The following IQCH variants were observed in gnomAD, a reference collection of about 807,000 sequenced individuals.
IQCH encodes the protein IQ motif containing H, also known as IQ domain-containing protein H.
IQCH carries 98 observed loss-of-function variants against 117.0 expected under a neutral mutation model. The observed-to-expected ratio is 0.84, with a 90% CI of 0.71 to 0.99. The LOEUF is 0.99. Among genes scored for constraint, IQCH ranks in the 50% least tolerant of loss-of-function variants. IQCH has a pLI of 0.00. For missense variants in IQCH, 1,102 were observed against 1,243.8 expected, an observed-to-expected ratio of 0.89 and a Z score of 1.72; for synonymous variants, 412 against 448.2, an observed-to-expected ratio of 0.92 and a Z score of 1.02.
In IQCH at chr15:67,481,384, C is replaced by T. The variant is rs1351243729; in HGVS notation, c.2799+5566C>T. ...AGAGAAGTGCCGAGCAAAGGGGGAA[C>T]ATCCCCTTATAAAATCATCAGATTG... On this transcript the variant is annotated intron_variant, in intron 18 of 20. Coordinates refer to ENST00000335894, the MANE Select transcript of IQCH (RefSeq NM_001031715.3). This position sits in a 1 kb window ranked among gnomAD's most constrained non-coding sequence, Gnocchi z 4.1. Among the ~76,000 whole-genome samples the T allele has an allele frequency of 2.0e-5, 3 of 152,152 alleles. No homozygotes were observed. Among genetic ancestry groups the T allele is most frequent in the Non-Finnish European group, 4.4e-5 (3 of 68,034 alleles).
chr15:67,372,768 T>C (rs2140791950), intron 9 of IQCH, 106 bp downstream of exon 9: 1 of 936,702 alleles, frequency 1.1e-6, no homozygotes, highest in East Asian at 2.4e-5. Flanking sequence ...TTCCAACTAC[T>C]CTCCTTGCCT....
At chr15:67,442,218 C>T (rs1316796177) in intron 16 of IQCH, among the ~76,000 whole-genome samples, 2 of 151,692 alleles carry the variant, frequency 1.3e-5, no homozygotes, top group African/African-American at 4.8e-5. Flanking sequence ...GGAGACCAGC[C>T]TGACCGACAT....
At chr15:67,402,907 G>A (rs1457219828) in intron 14 of IQCH, among the ~76,000 whole-genome samples, 2 of 152,124 alleles carry the variant, frequency 1.3e-5, no homozygotes, top group African/African-American at 2.4e-5. Flanking sequence ...TGCAGATATT[G>A]GTTTTAGATG....
intron 12 of IQCH, among the ~76,000 whole-genome samples, chr15:67,394,451 G>A (rs545193297): frequency 1.6e-4 from 24 of 152,042 alleles, no homozygotes; most frequent in Non-Finnish European, 3.2e-4. Context: ...TTGAGTACTC[G>A]GCAGATCCTT....
chr15:67,317,126 T>C lies in IQCH; in HGVS notation c.388-19849T>C, dbSNP rs966800806. Among the ~76,000 whole-genome samples, 6 of 152,368 alleles carry C rather than the reference T, an allele frequency of 3.9e-5. No homozygotes were observed. In the East Asian group the frequency reaches 1.2e-3, roughly 29 times the overall value. ...ACCTTGTCAGAATGCCATATAAATTTGCATTTATTTGTGTGTGACTTTGAA... is the reference window on the plus strand; with the variant it reads ...ACCTTGTCAGAATGCCATATAAATTCGCATTTATTTGTGTGTGACTTTGAA... On this transcript the variant is annotated intron_variant, in intron 4 of 20. Coordinates refer to ENST00000335894, the MANE Select transcript of IQCH (RefSeq NM_001031715.3).
intron 14 of IQCH, 86 bp downstream of exon 14, chr15:67,400,391 C>T: frequency 2.1e-6 from 2 of 940,356 alleles, no homozygotes; most frequent in Non-Finnish European, 3.3e-6. Flanking sequence ...GATGAAAGTA[C>T]TTTCCTCTCT....
intron 3 of IQCH, among the ~76,000 whole-genome samples, chr15:67,267,830 C>G (rs1348274270): frequency 6.6e-6 from 1 of 152,174 alleles, no homozygotes; most frequent in Non-Finnish European, 1.5e-5. Flanking sequence ...TGAATACTAT[C>G]CCTGGTCACA....
chr15:67,417,049 A>G lies in IQCH; in HGVS notation c.2216A>G (p.Gln739Arg). Residue 739 changes from glutamine to arginine, a missense_variant and splice_region_variant, in exon 15 of 21, where the codon CAA becomes CGA. Gln to Arg is a conservative substitution (Grantham distance 43). This residue lies in a region of IQCH where 650 missense variants were observed against 794.3 expected (regional missense o/e 0.82). Transcript: ENST00000335894. The surrounding 1 kb of genome is among the most constrained non-coding windows in gnomAD (Gnocchi z 4.3). ...WRKFLQTFLS[Q>R]GGVIEAFPPA... ...AAATTCCTCCAAACATTTCTCAGTC[A>G]AGGTAAATAAGACTGTAAAGTTTCT... 6.2e-7 allele frequency: 1 copy of G among 1,604,590 alleles called. No individual in the cohort carries two copies. The highest frequency in any genetic ancestry group is 1.1e-5 in the South Asian group (1 of 89,090).
In IQCH at chr15:67,405,488, T is replaced by C. The variant is rs1293201451; in HGVS notation, c.2097+5183T>C. 1 of 152,268 alleles carries C rather than the reference T, an allele frequency of 6.6e-6. No individual in the cohort carries two copies. The highest frequency in any genetic ancestry group is 1.5e-5 in the Non-Finnish European group (1 of 68,058). 9.4% of individuals were successfully genotyped at this position (152,268 alleles called of 1,614,324 possible). Reference sequence around the variant, plus strand: ...TATTGTGCTAAGCACGTTACATGAATTGTCTCATTTAAACTCAGAAAAACC... The same window carrying C: ...TATTGTGCTAAGCACGTTACATGAACTGTCTCATTTAAACTCAGAAAAACC... On this transcript the variant is annotated intron_variant, in intron 14 of 20. Transcript: ENST00000335894. The surrounding 1 kb of genome is among the most constrained non-coding windows in gnomAD (Gnocchi z 4.8).
At chr15:67,368,462 A>G (rs1013766980) in intron 8 of IQCH, among the ~76,000 whole-genome samples, 13 of 152,262 alleles carry the variant, frequency 8.5e-5, no homozygotes, top group African/African-American at 2.7e-4. Context: ...CTGGTCTTTG[A>G]GAAAGAATAA....
chr15:67,490,861 C>T lies in IQCH; in HGVS notation c.2861+797C>T, dbSNP rs991133505. Among the ~76,000 whole-genome samples the T allele has an allele frequency of 2.0e-5, 3 of 152,216 alleles. No individual in the cohort carries two copies. The highest frequency in any genetic ancestry group is 7.2e-5 in the African/African-American group (3 of 41,460). ...GCTGCTGGCAACACTCGGAGGCTTC[C>T]GCACTTCTCCCAGATTTCCCTCTGG... On this transcript the variant is annotated intron_variant, in intron 19 of 20. Coordinates refer to ENST00000335894, the MANE Select transcript of IQCH (RefSeq NM_001031715.3). The surrounding 1 kb of genome is among the most constrained non-coding windows in gnomAD (Gnocchi z 4.9).
chr15:67,456,940 A>G lies in IQCH; in HGVS notation c.2506-8187A>G, dbSNP rs892013112. ...ATGGAAGCTCTAGTTGCTCAAAGAT[A>G]GCTTCGTGGAGCTGTGATTTAAGTC... On this transcript the variant is annotated intron_variant, in intron 16 of 20. Coordinates refer to ENST00000335894, the MANE Select transcript of IQCH (RefSeq NM_001031715.3). The surrounding 1 kb of genome is among the most constrained non-coding windows in gnomAD (Gnocchi z 5.1). 9.2e-5 allele frequency among the ~76,000 whole-genome samples: 14 copies of G among 152,172 alleles called. No individual in the cohort carries two copies. The highest frequency in any genetic ancestry group is 2.9e-4 in the African/African-American group (12 of 41,426).
chr15:67,269,218 T>C (rs1039566970), intron 3 of IQCH, among the ~76,000 whole-genome samples: 1 of 152,184 alleles, frequency 6.6e-6, no homozygotes, highest in Non-Finnish European at 1.5e-5. Context: ...TATTACTATT[T>C]TTTCTTTAAA....
intron 17 of IQCH, among the ~76,000 whole-genome samples, chr15:67,470,337 C>G (rs1314783246): frequency 6.6e-6 from 1 of 152,132 alleles, no homozygotes; most frequent in Non-Finnish European, 1.5e-5. Context: ...GCGACCATGC[C>G]TGGCTAATTT....
chr15:67,280,937 C>T (rs2140477315), intron 4 of IQCH, among the ~76,000 whole-genome samples: 1 of 152,170 alleles, frequency 6.6e-6, no homozygotes, highest in South Asian at 2.1e-4. Context: ...ACCTCTGCCC[C>T]TCAGGTTCAA....
In IQCH at chr15:67,370,487, C is replaced by A. The variant is rs955577927; in HGVS notation, c.754-1624C>A. On this transcript the variant is annotated intron_variant, in intron 8 of 20. Coordinates refer to ENST00000335894, the MANE Select transcript of IQCH (RefSeq NM_001031715.3). The surrounding 1 kb of genome is among the most constrained non-coding windows in gnomAD (Gnocchi z 5.6). ...TTCCTGAAGGGAGGGAGCAATGTGG[C>A]CATAGAGGCCATTTCTGTTGGAACA... Among the ~76,000 whole-genome samples, 2 of 152,148 alleles carry A rather than the reference C, an allele frequency of 1.3e-5. No individual in the cohort carries two copies. Among genetic ancestry groups the A allele is most frequent in the African/African-American group, 4.8e-5 (2 of 41,436 alleles).
chr15:67,264,916 C>G (rs1023671334), intron 3 of IQCH, among the ~76,000 whole-genome samples: 1 of 151,736 alleles, frequency 6.6e-6, no homozygotes, highest in Admixed American at 6.6e-5. Context: ...TACAAGAGAG[C>G]CTACCAAGGC....
In IQCH at chr15:67,364,167, C is replaced by G. The variant is rs1192907964; in HGVS notation, c.753+4282C>G. ...TATAATGGCTGAACTAATTTACATT[C>G]CCACTGGCAGTGTATAAGCATTCCC... On this transcript the variant is annotated intron_variant, in intron 8 of 20. Transcript: ENST00000335894. The surrounding 1 kb of genome is among the most constrained non-coding windows in gnomAD (Gnocchi z 4.1). Among the ~76,000 whole-genome samples the G allele has an allele frequency of 6.6e-6, 1 of 152,168 alleles. No homozygotes were observed. Among genetic ancestry groups the G allele is most frequent in the African/African-American group, 2.4e-5 (1 of 41,446 alleles).
At chr15:67,480,378 A>G (rs2083311932) in intron 18 of IQCH, among the ~76,000 whole-genome samples, 2 of 152,154 alleles carry the variant, frequency 1.3e-5, no homozygotes, top group South Asian at 2.1e-4. Flanking sequence ...GAGTTGCCAT[A>G]TCCTTTTTCC....
Sources: gnomAD v4.1 joint callset for allele counts (sites outside exome capture counted in the v4.1 genomes callset) on GRCh38, gnomAD v4.1.1 for gene constraint, gnomAD v4.1.1 regional missense constraint, Gnocchi (gnomAD v3.1) non-coding constraint, MANE v1.5 for transcripts, NCBI Gene and HGNC (gene_info 2026-07-23, HGNC 2026-07-21) for gene names.